Variants in ARHGAP44 observed in about 807,000 individuals in gnomAD.
The protein encoded by ARHGAP44 is Rho GTPase activating protein 44, also known as rho GTPase-activating protein 44.
Under a neutral mutation model 106.8 loss-of-function variants are expected in ARHGAP44, and 43 were observed. The ratio of observed to expected loss-of-function variants is 0.40; its 90% CI spans 0.32 to 0.52. ARHGAP44 has a LOEUF of 0.52. Ranked by LOEUF, ARHGAP44 falls within the 20% of genes least tolerant of loss-of-function variation. ARHGAP44 has a pLI of 0.48. For synonymous variants in ARHGAP44, 439 were observed against 410.3 expected (o/e 1.07, Z -0.85); for missense variants, 866 against 1,050.5 (o/e 0.82, Z 2.43).
intron 1 of ARHGAP44, among the ~76,000 whole-genome samples, chr17:12,891,354 C>T (rs1478895118): frequency 6.6e-6 from 1 of 152,192 alleles, no homozygotes; most frequent in Admixed American, 6.5e-5. Flanking sequence ...TTATTGGCCG[C>T]AGTTCTGAAG....
rs375111749 is a variant in ARHGAP44 at position 12,955,408 on chromosome 17, T to C, written c.1137-459T>C. 7.4e-4 allele frequency among the ~76,000 whole-genome samples: 112 copies of C among 152,326 alleles called. 2 individuals are homozygous for C. The South Asian group carries it at 0.023, about 31-fold the overall frequency. ...TGCTGGATCATATACTAAGTCTGTGTTGGACTTTTTCTTTATTAGATCTTT... is the reference window on the plus strand; with the variant it reads ...TGCTGGATCATATACTAAGTCTGTGCTGGACTTTTTCTTTATTAGATCTTT... On this transcript the variant is annotated intron_variant, in intron 13 of 20. Transcript: ENST00000379672.
intron 5 of ARHGAP44, among the ~76,000 whole-genome samples, chr17:12,919,059 T>C: frequency 6.6e-6 from 1 of 152,184 alleles, no homozygotes; most frequent in East Asian, 1.9e-4. Flanking sequence ...GGAGACCTGA[T>C]GTGTAGCACT....
At chr17:12,797,782 GA>G (rs34581097) in intron 1 of ARHGAP44, among the ~76,000 whole-genome samples, 17,560 of 151,996 alleles carry the variant, frequency 0.12, 1,338 homozygotes, top group East Asian at 0.25. Flanking sequence ...TATTAAGATG[GA>G]AAAAAATGGG....
intron 19 of ARHGAP44, chr17:12,981,163 G>A (rs1474204489): frequency 2.0e-5 from 3 of 152,246 alleles, no homozygotes; most frequent in African/African-American, 4.8e-5. Context: ...CAGAGAGGAA[G>A]GCAATGATAA....
chr17:12,958,162 A>T lies in ARHGAP44; in HGVS notation c.1343-555A>T, dbSNP rs530574732. 6.6e-6 allele frequency among the ~76,000 whole-genome samples: 1 copy of T among 152,356 alleles called. No individual in the cohort carries two copies. Among genetic ancestry groups the T allele is most frequent in the African/African-American group, 2.4e-5 (1 of 41,584 alleles). On this transcript the variant is annotated intron_variant, in intron 15 of 20. Transcript: ENST00000379672. This position sits in a 1 kb window ranked among gnomAD's most constrained non-coding sequence, Gnocchi z 4.1. ...TCATTGACTGGGAAAGGATGGGATG[A>T]GTACTTCTGTATATCTCTTTGACAG...
intron 3 of ARHGAP44, among the ~76,000 whole-genome samples, chr17:12,902,536 C>T (rs1005854673): frequency 5.9e-5 from 9 of 152,138 alleles, no homozygotes; most frequent in African/African-American, 1.7e-4. Context: ...CTCCGTTCTC[C>T]GTGCCTAAAA....
intron 1 of ARHGAP44, among the ~76,000 whole-genome samples, chr17:12,853,057 A>C (rs1464054825): frequency 6.6e-6 from 1 of 152,186 alleles, no homozygotes; most frequent in African/African-American, 2.4e-5. Context: ...ACGTGATCAC[A>C]AGGTGAAGTC....
chr17:12,895,205 GT>G (rs11363011), intron 2 of ARHGAP44, among the ~76,000 whole-genome samples: 79,681 of 151,638 alleles, frequency 0.53, 21,150 homozygotes, highest in Non-Finnish European at 0.57. Context: ...CCTCGATGTG[GT>G]TAAAACTGCT....
At chr17:12,973,712 C>CA (rs1555565901) in intron 17 of ARHGAP44, 2 of 481,730 alleles carry the variant, frequency 4.2e-6, no homozygotes, top group African/African-American at 4.0e-5. Context: ...CCTGCCCCCC[C>CA]AGTTAGGCCA....
At chr17:12,875,955 A>T (rs2036543136) in intron 1 of ARHGAP44, among the ~76,000 whole-genome samples, 1 of 151,914 alleles carries the variant, frequency 6.6e-6, no homozygotes, top group South Asian at 2.1e-4. Context: ...AAAAAAAAAA[A>T]TGTATTGATG....
chr17:12,973,766 T>G, intron 17 of ARHGAP44: 1 of 522,628 alleles, frequency 1.9e-6, no homozygotes, highest in Non-Finnish European at 3.4e-6. Context: ...CCAGGGAGCT[T>G]GCCGGGCCAT....
chr17:12,896,581 A>AC, intron 3 of ARHGAP44, 70 bp downstream of exon 3: 1 of 1,325,520 alleles, frequency 7.5e-7, no homozygotes, highest in South Asian at 1.3e-5. Context: ...CTCCTGTGAC[A>AC]CTCCTGGATG....
chr17:12,936,238 C>T (rs1031643027), intron 7 of ARHGAP44, among the ~76,000 whole-genome samples: 2 of 152,114 alleles, frequency 1.3e-5, no homozygotes, highest in African/African-American at 4.8e-5. Flanking sequence ...CTTAGGGGTT[C>T]ACTCCTAGCG....
chr17:12,882,474 A>C (rs527568695), intron 1 of ARHGAP44, among the ~76,000 whole-genome samples: 1 of 152,260 alleles, frequency 6.6e-6, no homozygotes, highest in South Asian at 2.1e-4. Flanking sequence ...CTGGGTAGAC[A>C]GTAATAGTGG....
At chr17:12,944,971 G>A (rs1056822204) in intron 10 of ARHGAP44, among the ~76,000 whole-genome samples, 2 of 151,870 alleles carry the variant, frequency 1.3e-5, no homozygotes, top group African/African-American at 4.8e-5. Context: ...ATATTAGAAA[G>A]TACTTTTTAA....
At chr17:12,855,612 C>A (rs1395661127) in intron 1 of ARHGAP44, among the ~76,000 whole-genome samples, 5 of 151,830 alleles carry the variant, frequency 3.3e-5, no homozygotes, top group Non-Finnish European at 7.4e-5. Context: ...AAATGGATAT[C>A]CAATTGCCCC....
intron 18 of ARHGAP44, among the ~76,000 whole-genome samples, chr17:12,976,458 C>G (rs562357682): frequency 6.6e-6 from 1 of 151,672 alleles, no homozygotes; most frequent in Non-Finnish European, 1.5e-5. Context: ...ACTAAAAATA[C>G]AAAAATTAGC....
At position 12,990,091 on chromosome 17, in the gene ARHGAP44, A is replaced by G. The variant is rs2040087176; in HGVS notation, c.2377A>G (p.Ser793Gly). 6.2e-7 allele frequency: 1 copy of G among 1,613,166 alleles called. No individual in the cohort carries two copies. Among genetic ancestry groups the G allele is most frequent in the East Asian group, 2.2e-5 (1 of 44,586 alleles). ...AGAGCTCGGGTCGACGCTCCGCCTG[A>G]GTCCCCTGGAGCACATGCGGCGACA... Reference protein sequence around the residue: ...HIELGSTLRLSPLEHMRRHSV... With the variant: ...HIELGSTLRLGPLEHMRRHSV... Residue 793 changes from serine (S) to glycine (G), a missense_variant, in exon 21 of 21, where the codon AGT becomes GGT. Ser to Gly is a moderately conservative substitution (Grantham distance 56). Coordinates refer to ENST00000379672, the MANE Select transcript of ARHGAP44 (RefSeq NM_014859.6).
chr17:12,819,027 A>G (rs1012244800), intron 1 of ARHGAP44, among the ~76,000 whole-genome samples: 7 of 152,092 alleles, frequency 4.6e-5, no homozygotes, highest in Non-Finnish European at 7.4e-5. Flanking sequence ...ATTACAGTAA[A>G]GCTACTATGA....
Sources: gnomAD v4.1 joint callset for allele counts (sites outside exome capture counted in the v4.1 genomes callset) on GRCh38, gnomAD v4.1.1 for gene constraint, Gnocchi (gnomAD v3.1) non-coding constraint, MANE v1.5 for transcripts, NCBI Gene and HGNC (gene_info 2026-07-23, HGNC 2026-07-21) for gene names.